ABCC8: variants seen among roughly 807,000 people sequenced by gnomAD.
The protein encoded by ABCC8 is ATP-binding cassette sub-family C member 8.
A neutral mutation model predicts 188.0 loss-of-function variants in ABCC8; 137 were observed. The ratio of observed to expected loss-of-function variants is 0.73; its 90% confidence interval spans 0.63 to 0.84. The LOEUF is 0.84. Among genes scored for constraint, ABCC8 ranks in the 40% least tolerant of loss-of-function variants. The pLI is 0.00. For missense variants in ABCC8, 1,750 were observed against 2,072.7 expected, an observed-to-expected ratio of 0.84 and a Z score of 3.02; for synonymous variants, 797 against 846.5, an observed-to-expected ratio of 0.94 and a Z score of 1.01.
rs768601143 is a variant in ABCC8, at chr11:17,430,803, C to T, written c.1817+11G>A. The T allele has an allele frequency of 5.6e-6, 9 of 1,613,984 alleles. No individual in the cohort carries two copies. The highest frequency in any genetic ancestry group is 1.7e-5 in the Admixed American group (1 of 60,026). On this transcript the variant is annotated intron_variant, in intron 12 of 38. Coordinates refer to ENST00000389817, the MANE Select transcript of ABCC8 (RefSeq NM_000352.6). ...GCCTGCCCAGTGCCCTCGCCCGGACCCTCCCCTCACCTCACTAGAGCTTTG... is the reference window on the plus strand; with the variant it reads ...GCCTGCCCAGTGCCCTCGCCCGGACTCTCCCCTCACCTCACTAGAGCTTTG...
At chr11:17,426,093 C>T (rs1362525453) in intron 16 of ABCC8, among the ~76,000 whole-genome samples, 4 of 152,176 alleles carry the variant, frequency 2.6e-5, no homozygotes, top group Non-Finnish European at 5.9e-5. Flanking sequence ...CATTGATGGG[C>T]ATTTGGGTTG....
In ABCC8 at chr11:17,461,613, T is replaced by C. The variant is rs1356351262; in HGVS notation, c.792A>G (p.Gln264=). The change falls in exon 5 of 39, where the codon CAA becomes CAG. Residue 264 remains glutamine, a synonymous_variant. Coordinates refer to ENST00000389817, the MANE Select transcript of ABCC8 (RefSeq NM_000352.6). ...PIAMRALTNY[Q]RLCEAFDAQV... is the part of the protein sequence containing the mutation. ...GGGCGTCAAAGGCCTCGCAGAGCCG[T>C]TGGTAGTTGGTGAGGGCCCTCATGG... is the stretch of plus-strand genomic sequence containing the variant. 1.2e-6 allele frequency: 2 copies of C among 1,614,094 alleles called. No individual in the cohort carries two copies. The highest frequency in any genetic ancestry group is 2.7e-5 in the African/African-American group (2 of 74,936).
intron 21 of ABCC8, among the ~76,000 whole-genome samples, chr11:17,411,149 G>A (rs561813243): frequency 3.3e-5 from 5 of 152,258 alleles, no homozygotes; most frequent in East Asian, 1.9e-4. Context: ...AGTTCCTCCT[G>A]CATCCTGTCC....
At chr11:17,423,997 G>A (rs1336547790) in intron 16 of ABCC8, among the ~76,000 whole-genome samples, 5 of 152,248 alleles carry the variant, frequency 3.3e-5, no homozygotes, top group South Asian at 4.1e-4. Context: ...CACAGAGTTC[G>A]GTGCAGACTG....
chr11:17,400,702 C>G (rs1348218106), intron 29 of ABCC8, among the ~76,000 whole-genome samples: 1 of 152,210 alleles, frequency 6.6e-6, no homozygotes, highest in Non-Finnish European at 1.5e-5. Context: ...ACCTGGGTTC[C>G]AAGCTCAGCG....
In ABCC8 at chr11:17,476,808, A is replaced by AGCTGGCTCC. The variant is rs78092663; in HGVS notation, c.-41_-33dup. On this transcript the variant is annotated 5_prime_UTR_variant, in exon 1 of 39. Coordinates refer to ENST00000389817, the MANE Select transcript of ABCC8 (RefSeq NM_000352.6). ...GCGGGCGCGGGCTGGGCTCGGGCTC[A>AGCTGGCTCC]GCTGGCTCCGCTGGCTCCGCGCGCC... The AGCTGGCTCC allele has an allele frequency of 2.1e-4, 322 of 1,503,454 alleles. 2 individuals are homozygous for AGCTGGCTCC. In the African/African-American group the frequency reaches 3.7e-3, roughly 17 times the overall value. The allele number at this position is 1,503,454 out of a possible 1,614,324, so 93.1% of individuals were successfully genotyped here. A position where few individuals can be genotyped will look rare whatever the true frequency, so the allele number is the denominator to read the frequency against.
chr11:17,472,829 G>A (rs968363276), intron 2 of ABCC8, among the ~76,000 whole-genome samples: 5 of 152,048 alleles, frequency 3.3e-5, no homozygotes, highest in African/African-American at 4.8e-5. Flanking sequence ...CTGCCACTCC[G>A]GGCTCTGCAC....
At chr11:17,440,044 A>G (rs1412033377) in intron 10 of ABCC8, among the ~76,000 whole-genome samples, 2 of 152,184 alleles carry the variant, frequency 1.3e-5, no homozygotes, top group Admixed American at 6.5e-5. Flanking sequence ...GGAGATGAGT[A>G]CATATCTCTT....
chr11:17,449,700 T>C (rs1956684964), intron 7 of ABCC8, among the ~76,000 whole-genome samples: 1 of 152,244 alleles, frequency 6.6e-6, no homozygotes, highest in South Asian at 2.1e-4. Context: ...TAAAATTCTA[T>C]TATTCATTCT....
At chr11:17,474,409 C>T (rs1039953451) in intron 2 of ABCC8, among the ~76,000 whole-genome samples, 3 of 152,060 alleles carry the variant, frequency 2.0e-5, no homozygotes, top group Admixed American at 2.0e-4. Flanking sequence ...GGAAGGTGGG[C>T]ATGGGGAATG....
At chr11:17,436,960 G>T (rs183396529) in intron 10 of ABCC8, among the ~76,000 whole-genome samples, 2 of 151,968 alleles carry the variant, frequency 1.3e-5, no homozygotes, top group East Asian at 3.9e-4. Flanking sequence ...GCGTGGTGGC[G>T]CATACCTGTA....
In ABCC8 at chr11:17,428,403, G is replaced by C. The variant is rs75376282; in HGVS notation, c.1926C>G (p.Pro642=). 4.5e-4 allele frequency: 727 copies of C among 1,612,704 alleles called. 7 individuals carry two copies. In the African/African-American group the frequency reaches 8.9e-3, roughly 20 times the overall value. The stretch of plus-strand genomic sequence containing the variant: ...GACGCTTGCGGTTCACAACCCTGAG[G>C]GGCTGGGGGTGGTTTGGAGGTGAGG... ...QGPASKYQAV[P]LRVVNRKRPA... Residue 642 remains proline, a splice_region_variant and synonymous_variant, in exon 14 of 39, where the codon CCC becomes CCG. Coordinates refer to ENST00000389817, the MANE Select transcript of ABCC8 (RefSeq NM_000352.6).
chr11:17,466,815 A>C (rs1482019476), intron 3 of ABCC8, among the ~76,000 whole-genome samples: 1 of 151,878 alleles, frequency 6.6e-6, no homozygotes, highest in Non-Finnish European at 1.5e-5. Flanking sequence ...ACAGGTGTAC[A>C]TTACCACGCC....
Position 17,470,068 on chromosome 11 carries a change from A to C in ABCC8, c.412+33T>G, listed in dbSNP as rs372196768. On this transcript the variant is annotated intron_variant, in intron 3 of 38. Transcript: ENST00000389817. The stretch of plus-strand genomic sequence containing the variant: ...AAACATTATCTGAAGAAATGAATGA[A>C]GGTACTGCCCCTCCCTCCTACACCT... The C allele has an allele frequency of 3.1e-6, 5 of 1,610,166 alleles. No individual in the cohort carries two copies. In the South Asian group the frequency reaches 3.3e-5, roughly 11 times the overall value.
chr11:17,450,323 T>TC (rs1491370985), intron 7 of ABCC8, among the ~76,000 whole-genome samples: 137 of 119,352 alleles, frequency 1.1e-3, no homozygotes, highest in African/African-American at 4.1e-3. Flanking sequence ...TCTTTCTTTC[T>TC]TTCTCTCTCT....
At chr11:17,407,165 T>G in intron 24 of ABCC8, 36 bp from the exon 25 acceptor site, 1 of 1,602,236 alleles carries the variant, frequency 6.2e-7, no homozygotes, top group Non-Finnish European at 8.5e-7. Flanking sequence ...TGGCTACACA[T>G]TTCCATCCCT....
intron 17 of ABCC8, among the ~76,000 whole-genome samples, chr11:17,416,723 A>G (rs1329994285): frequency 6.6e-6 from 1 of 152,198 alleles, no homozygotes; most frequent in Non-Finnish European, 1.5e-5. Flanking sequence ...ACAGCCACAA[A>G]GCATTGCAAT....
intron 29 of ABCC8, 42 bp from the exon 30 acceptor site, chr11:17,398,483 C>T: frequency 6.2e-7 from 1 of 1,611,560 alleles, no homozygotes; most frequent in Non-Finnish European, 8.5e-7. Flanking sequence ...CAGTGTTGGT[C>T]CACATAGCTC....
At chr11:17,416,590 C>A (rs778189952) in intron 17 of ABCC8, among the ~76,000 whole-genome samples, 36 of 152,152 alleles carry the variant, frequency 2.4e-4, no homozygotes, top group African/African-American at 8.0e-4. Flanking sequence ...AAATCCCATA[C>A]ACATTGGCAG....
Sources: gnomAD v4.1 joint callset for allele counts (sites outside exome capture counted in the v4.1 genomes callset) on GRCh38, gnomAD v4.1.1 for gene constraint, MANE v1.5 for transcripts, NCBI Gene and HGNC (gene_info 2026-07-23, HGNC 2026-07-21) for gene names.